ASTN1: variants seen among roughly 807,000 people sequenced by gnomAD.
The protein encoded by ASTN1 is astrotactin-1.
Under a neutral mutation model 140.7 loss-of-function variants are expected in ASTN1, and 41 were observed. That is an observed-to-expected ratio of 0.29 (90% CI 0.23 to 0.38). ASTN1 has a LOEUF of 0.38. ASTN1 is among the 10% of genes least tolerant of loss of function. ASTN1 has a pLI of 1.00. For synonymous variants in ASTN1, 640 were observed against 652.2 expected, an observed-to-expected ratio of 0.98 and a Z score of 0.29; for missense variants, 1,479 against 1,678.8, an observed-to-expected ratio of 0.88 and a Z score of 2.08.
intron 1 of ASTN1, among the ~76,000 whole-genome samples, chr1:177,126,972 T>A (rs549674897): frequency 1.3e-5 from 2 of 152,046 alleles, no homozygotes; most frequent in Non-Finnish European, 2.9e-5. Flanking sequence ...AAGATGTATA[T>A]GGAAAAAGAT....
chr1:177,001,748 A>C (rs775517931), intron 8 of ASTN1, among the ~76,000 whole-genome samples: 10 of 152,230 alleles, frequency 6.6e-5, no homozygotes, highest in African/African-American at 9.6e-5. Flanking sequence ...CCACACCTGC[A>C]GGGCAGAGTG....
chr1:177,120,996 C>T (rs1299063672), intron 1 of ASTN1, among the ~76,000 whole-genome samples: 1 of 152,066 alleles, frequency 6.6e-6, no homozygotes, highest in Admixed American at 6.5e-5. Flanking sequence ...TATTTTCATC[C>T]TAGGGAAATC....
chr1:176,957,798 G>A lies in ASTN1; in HGVS notation c.1767C>T (p.Asp589=), dbSNP rs374854880. ...REELMTSSSF[D]SLEVLLDSFG... ...AGGAATCTAAGAGAACCTCCAGGCT[G>A]TCGAAGGAGGATGAAGTCATCAGCT... Residue 589 remains aspartate, a synonymous_variant, in exon 11 of 23, where the codon GAC becomes GAT. Transcript: ENST00000361833. 3.1e-6 allele frequency: 5 copies of A among 1,613,928 alleles called. No individual in the cohort carries two copies. The African/African-American group carries it at 6.7e-5, about 22-fold the overall frequency.
intron 1 of ASTN1, among the ~76,000 whole-genome samples, chr1:177,083,892 G>A (rs192203610): frequency 6.6e-6 from 1 of 152,062 alleles, no homozygotes; most frequent in Non-Finnish European, 1.5e-5. Flanking sequence ...AGGTCTCTAG[G>A]GATAGACGTT....
At chr1:177,103,746 C>T (rs892465257) in intron 1 of ASTN1, among the ~76,000 whole-genome samples, 1 of 152,016 alleles carries the variant, frequency 6.6e-6, no homozygotes, top group African/African-American at 2.4e-5. Flanking sequence ...TCATACAGTC[C>T]TCGAACCAGC....
At chr1:177,127,286 C>G (rs1430636216) in intron 1 of ASTN1, among the ~76,000 whole-genome samples, 1 of 152,148 alleles carries the variant, frequency 6.6e-6, no homozygotes, top group Non-Finnish European at 1.5e-5. Context: ...TATGACCTCT[C>G]TCTTCTATAA....
intron 16 of ASTN1, among the ~76,000 whole-genome samples, chr1:176,907,033 G>A (rs1206735804): frequency 6.6e-6 from 1 of 152,042 alleles, no homozygotes; most frequent in Non-Finnish European, 1.5e-5. Flanking sequence ...ATAGAAACCA[G>A]TCAATCACTT....
intron 1 of ASTN1, among the ~76,000 whole-genome samples, chr1:177,145,864 C>T (rs990778600): frequency 1.3e-5 from 2 of 152,202 alleles, no homozygotes; most frequent in African/African-American, 4.8e-5. Context: ...GGTCAGTTCC[C>T]AGCTGAAGTA....
chr1:176,977,860 A>G (rs1251937512), intron 8 of ASTN1, among the ~76,000 whole-genome samples: 1 of 152,204 alleles, frequency 6.6e-6, no homozygotes, highest in Non-Finnish European at 1.5e-5. Flanking sequence ...CCACTCCTGC[A>G]GAAGAACTAA....
At chr1:176,926,512 G>A (rs528393502) in intron 16 of ASTN1, among the ~76,000 whole-genome samples, 43 of 152,288 alleles carry the variant, frequency 2.8e-4, no homozygotes, top group African/African-American at 1.0e-3. Flanking sequence ...CCTTCATCAG[G>A]CCTGTCTGCC....
intron 1 of ASTN1, among the ~76,000 whole-genome samples, chr1:177,132,399 T>C (rs1260881008): frequency 1.3e-5 from 2 of 152,180 alleles, no homozygotes; most frequent in Non-Finnish European, 2.9e-5. Context: ...ATGATGGCAG[T>C]CTGCTTTTCT....
intron 1 of ASTN1, among the ~76,000 whole-genome samples, chr1:177,081,562 G>C (rs1190336289): frequency 6.6e-6 from 1 of 152,134 alleles, no homozygotes; most frequent in Non-Finnish European, 1.5e-5. Flanking sequence ...TTAAAGATAA[G>C]TGAGCTATAT....
chr1:177,105,726 G>T (rs1391288477), intron 1 of ASTN1, among the ~76,000 whole-genome samples: 1 of 151,824 alleles, frequency 6.6e-6, no homozygotes, highest in Non-Finnish European at 1.5e-5. Context: ...TTGAGAAATT[G>T]GTATATTCTC....
intron 4 of ASTN1, among the ~76,000 whole-genome samples, chr1:177,030,313 C>T (rs908204620): frequency 6.6e-6 from 1 of 152,130 alleles, no homozygotes; most frequent in East Asian, 1.9e-4. Flanking sequence ...GTTTTTTAAT[C>T]TCTCTTTAAA....
chr1:177,049,032 CA>C (rs1186206421), intron 2 of ASTN1, among the ~76,000 whole-genome samples: 1 of 152,196 alleles, frequency 6.6e-6, no homozygotes, highest in Non-Finnish European at 1.5e-5. Context: ...GCCCATAGAC[CA>C]TCACCTCATA....
intron 2 of ASTN1, among the ~76,000 whole-genome samples, chr1:177,047,375 G>C (rs189185989): frequency 6.6e-6 from 1 of 151,470 alleles, no homozygotes; most frequent in Middle Eastern, 3.4e-3. Context: ...GGGAGGTCCA[G>C]AAAATATGAC....
chr1:176,913,309 A>T (rs1229037510), intron 16 of ASTN1, among the ~76,000 whole-genome samples: 1 of 152,180 alleles, frequency 6.6e-6, no homozygotes, highest in Non-Finnish European at 1.5e-5. Flanking sequence ...AATGTCCTTT[A>T]TACTGTCTGT....
intron 16 of ASTN1, among the ~76,000 whole-genome samples, chr1:176,905,532 G>A (rs1239757155): frequency 1.3e-5 from 2 of 152,156 alleles, no homozygotes. Flanking sequence ...TTGCTGCCCT[G>A]ACCAATTTAT....
rs1278668912 is a variant in ASTN1, at chr1:176,931,467, TG to T, written c.2671+2684del. On this transcript the variant is annotated intron_variant, in intron 16 of 22. Transcript: ENST00000361833. ...GGTAACAAGAGCAAAACTCTGTCTTTGAAAAAATAAATAAATAAACAAATAA... is the reference window on the plus strand; with the variant it reads ...GGTAACAAGAGCAAAACTCTGTCTTTAAAAAATAAATAAATAAACAAATAA... Among the ~76,000 whole-genome samples, 3 of 152,104 alleles carry T rather than the reference TG, an allele frequency of 2.0e-5. No individual in the cohort carries two copies. In the East Asian group the frequency reaches 5.8e-4, roughly 29 times the overall value.
Sources: gnomAD v4.1 joint callset for allele counts (sites outside exome capture counted in the v4.1 genomes callset) on GRCh38, gnomAD v4.1.1 for gene constraint, MANE v1.5 for transcripts, NCBI Gene and HGNC (gene_info 2026-07-23, HGNC 2026-07-21) for gene names.